The following ARHGAP15 variants were observed in gnomAD, a reference collection of about 807,000 sequenced individuals.
ARHGAP15 encodes the protein Rho GTPase activating protein 15.
A neutral mutation model predicts 63.7 loss-of-function variants in ARHGAP15; 51 were observed. The ratio of observed to expected loss-of-function variants is 0.80; its 90% CI spans 0.64 to 1.01. ARHGAP15 has a LOEUF of 1.01. Ranked by LOEUF, ARHGAP15 falls within the 50% of genes least tolerant of loss-of-function variation. The probability of loss-of-function intolerance (pLI) is 0.00; values close to 1 mark genes in which losing one functional copy is unlikely to be tolerated. For missense variants in ARHGAP15, 560 were observed against 564.6 expected, an observed-to-expected ratio of 0.99 and a Z score of 0.08; for synonymous variants, 191 against 193.8, an observed-to-expected ratio of 0.99 and a Z score of 0.12.
At chr2:143,159,537 A>G (rs1574027426) in intron 2 of ARHGAP15, among the ~76,000 whole-genome samples, 1 of 152,066 alleles carries the variant, frequency 6.6e-6, no homozygotes, top group East Asian at 1.9e-4. Context: ...AATTGATAAG[A>G]CTTGGCATCT....
At chr2:143,219,576 C>G (rs931268201) in intron 4 of ARHGAP15, among the ~76,000 whole-genome samples, 3 of 152,148 alleles carry the variant, frequency 2.0e-5, no homozygotes, top group Non-Finnish European at 4.4e-5. Flanking sequence ...GGGAATATTT[C>G]CAGGAGTACA....
chr2:143,672,065 A>G lies in ARHGAP15; in HGVS notation c.1139-31354A>G, dbSNP rs551990956. On this transcript the variant is annotated intron_variant, in intron 12 of 13. Coordinates refer to ENST00000295095, the MANE Select transcript of ARHGAP15 (RefSeq NM_018460.4). ...CATTGTTAATAAATTTTAGAAACATATCAGTAATTATAACTTAGGTCCTGT... is the reference window on the plus strand; with the variant it reads ...CATTGTTAATAAATTTTAGAAACATGTCAGTAATTATAACTTAGGTCCTGT... Among the ~76,000 whole-genome samples, 4 of 152,346 alleles carry G rather than the reference A, an allele frequency of 2.6e-5. No homozygotes were observed. In the East Asian group the frequency reaches 5.8e-4, roughly 22 times the overall value.
intron 6 of ARHGAP15, among the ~76,000 whole-genome samples, chr2:143,335,490 G>T (rs1684731957): frequency 1.3e-5 from 2 of 152,148 alleles, no homozygotes; most frequent in Admixed American, 6.6e-5. Flanking sequence ...TTGGGATTCT[G>T]CAAATTTCTG....
At chr2:143,422,510 A>G (rs775054352) in intron 6 of ARHGAP15, among the ~76,000 whole-genome samples, 15 of 152,172 alleles carry the variant, frequency 9.9e-5, no homozygotes, top group Non-Finnish European at 8.8e-5. Context: ...CAGAACCCAA[A>G]AAGTAAGATA....
rs528936905 is a variant in ARHGAP15, at chr2:143,163,789, G to A, written c.165+8134G>A. On this transcript the variant is annotated intron_variant, in intron 2 of 13. Coordinates refer to ENST00000295095, the MANE Select transcript of ARHGAP15 (RefSeq NM_018460.4). Reference sequence around the variant, plus strand: ...TTAGAAAGATTTGCTATTTGGAGGAGGCGATATAAGTGGGGGCGGCGGTGT... The same window carrying A: ...TTAGAAAGATTTGCTATTTGGAGGAAGCGATATAAGTGGGGGCGGCGGTGT... Among the ~76,000 whole-genome samples the A allele has an allele frequency of 1.5e-3, 226 of 152,198 alleles. 1 individual carries two copies. The highest frequency in any genetic ancestry group is 5.2e-3 in the African/African-American group (217 of 41,560).
At chr2:143,485,642 A>T (rs1321486056) in intron 8 of ARHGAP15, among the ~76,000 whole-genome samples, 1 of 152,110 alleles carries the variant, frequency 6.6e-6, no homozygotes, top group East Asian at 1.9e-4. Context: ...CCTATGGCAA[A>T]GTCTGGAGGC....
At chr2:143,703,661 C>A in intron 13 of ARHGAP15, 137 bp downstream of exon 13, 1 of 618,286 alleles carries the variant, frequency 1.6e-6, no homozygotes. Flanking sequence ...CTAGGTCTTT[C>A]TGCAGAAGCT....
chr2:143,693,442 A>C (rs1559129779), intron 12 of ARHGAP15, among the ~76,000 whole-genome samples: 8 of 152,234 alleles, frequency 5.3e-5, no homozygotes. Flanking sequence ...TCATTATAAA[A>C]GTACAGAATT....
intron 2 of ARHGAP15, among the ~76,000 whole-genome samples, chr2:143,191,386 G>C (rs2105091246): frequency 6.6e-6 from 1 of 152,254 alleles, no homozygotes; most frequent in African/African-American, 2.4e-5. Context: ...AGGTATCTTA[G>C]GGTAAAGCTA....
intron 12 of ARHGAP15, among the ~76,000 whole-genome samples, chr2:143,638,685 A>AT (rs1193735550): frequency 1.4e-4 from 14 of 103,622 alleles, no homozygotes; most frequent in African/African-American, 2.7e-4. Flanking sequence ...AAAAAAAAAT[A>AT]TTAAAAAAAA....
chr2:143,319,558 T>A (rs1683902813), intron 6 of ARHGAP15, among the ~76,000 whole-genome samples: 1 of 152,176 alleles, frequency 6.6e-6, no homozygotes, highest in Non-Finnish European at 1.5e-5. Flanking sequence ...AATTTCTATT[T>A]TAAATAACAT....
intron 8 of ARHGAP15, among the ~76,000 whole-genome samples, chr2:143,462,543 C>T (rs1690995917): frequency 6.6e-6 from 1 of 152,152 alleles, no homozygotes; most frequent in African/African-American, 2.4e-5. Context: ...CTGTCCTATG[C>T]ACTGGAGATA....
intron 10 of ARHGAP15, among the ~76,000 whole-genome samples, chr2:143,536,664 G>T (rs1186794525): frequency 2.0e-5 from 3 of 151,478 alleles, no homozygotes; most frequent in Admixed American, 2.0e-4. Context: ...GAGAATGATG[G>T]TTTCCACCTT....
rs1574908418 is a variant in ARHGAP15 at position 143,734,552 on chromosome 2, G to T, written c.1244+31028G>T. ...AATACATCTATAGCCACTGCAGGTAGCTTTCAAATACAAGAAACAGGAATT... is the reference window on the plus strand; with the variant it reads ...AATACATCTATAGCCACTGCAGGTATCTTTCAAATACAAGAAACAGGAATT... On this transcript the variant is annotated intron_variant, in intron 13 of 13. Coordinates refer to ENST00000295095, the MANE Select transcript of ARHGAP15 (RefSeq NM_018460.4). Among the ~76,000 whole-genome samples, 5 of 152,284 alleles carry T rather than the reference G, an allele frequency of 3.3e-5. No homozygotes were observed. In the South Asian group the frequency reaches 1.0e-3, roughly 32 times the overall value.
At chr2:143,576,561 G>A (rs1696688871) in intron 11 of ARHGAP15, among the ~76,000 whole-genome samples, 1 of 152,080 alleles carries the variant, frequency 6.6e-6, no homozygotes, top group Admixed American at 6.6e-5. Flanking sequence ...AATAACATCT[G>A]AGTCTTACAC....
chr2:143,217,550 T>C (rs763101478), intron 4 of ARHGAP15, among the ~76,000 whole-genome samples: 1 of 152,166 alleles, frequency 6.6e-6, no homozygotes, highest in East Asian at 1.9e-4. Flanking sequence ...GGAGACAAGA[T>C]CAAATGCAAG....
At chr2:143,174,852 A>G (rs1298631998) in intron 2 of ARHGAP15, among the ~76,000 whole-genome samples, 1 of 152,162 alleles carries the variant, frequency 6.6e-6, no homozygotes, top group Non-Finnish European at 1.5e-5. Context: ...GTCTTTATAC[A>G]AACACAATGT....
chr2:143,375,127 G>A (rs1020436623), intron 6 of ARHGAP15, among the ~76,000 whole-genome samples: 1 of 152,128 alleles, frequency 6.6e-6, no homozygotes, highest in Non-Finnish European at 1.5e-5. Flanking sequence ...TGACAAAATA[G>A]GTACTGATAT....
At chr2:143,707,228 G>A (rs1483113108) in intron 13 of ARHGAP15, among the ~76,000 whole-genome samples, 3 of 152,136 alleles carry the variant, frequency 2.0e-5, no homozygotes, top group East Asian at 1.9e-4. Context: ...AGTGATGGAC[G>A]TCAAAAGGAA....
Sources: gnomAD v4.1 joint callset for allele counts (sites outside exome capture counted in the v4.1 genomes callset) on GRCh38, gnomAD v4.1.1 for gene constraint, MANE v1.5 for transcripts, NCBI Gene and HGNC (gene_info 2026-07-23, HGNC 2026-07-21) for gene names.